ZFAND3: variants seen among roughly 807,000 people sequenced by gnomAD.
The protein encoded by ZFAND3 is zinc finger AN1-type containing 3.
Under a neutral mutation model 29.6 loss-of-function variants are expected in ZFAND3, and 10 were observed. That is an observed-to-expected ratio of 0.34 (90% CI 0.21 to 0.57). ZFAND3 has a LOEUF of 0.57. Ranked by LOEUF, ZFAND3 falls within the 20% of genes least tolerant of loss-of-function variation. The pLI is 0.86. For synonymous variants in ZFAND3, 128 were observed against 112.6 expected (o/e 1.14, Z -0.87); for missense variants, 230 against 304.5 (o/e 0.76, Z 1.82).
intron 2 of ZFAND3, chr6:38,003,276 G>C (rs1319156367): frequency 6.5e-6 from 1 of 153,504 alleles, no homozygotes; most frequent in Non-Finnish European, 1.5e-5. Context: ...GATCTCATAA[G>C]TGTGCTTCTG....
chr6:38,061,779 A>C lies in ZFAND3; in HGVS notation c.295+4A>C. On this transcript the variant is annotated splice_donor_region_variant and intron_variant, in intron 3 of 5. Transcript: ENST00000287218. ...ACTTCACCGAGTAAAGAGGAGTGTA[A>C]GTGTCTGGCTTCTGAGGGGTGGTAG... 1 of 1,613,886 alleles carries C rather than the reference A, an allele frequency of 6.2e-7. No individual in the cohort carries two copies. Among genetic ancestry groups the C allele is most frequent in the Non-Finnish European group, 8.5e-7 (1 of 1,179,872 alleles).
chr6:37,896,518 C>CTT (rs1195295043), intron 1 of ZFAND3, among the ~76,000 whole-genome samples: 8 of 91,108 alleles, frequency 8.8e-5, no homozygotes, highest in Non-Finnish European at 1.5e-4. Context: ...TCTTTCTTTT[C>CTT]TTTCTTTCTT....
intron 2 of ZFAND3, among the ~76,000 whole-genome samples, chr6:37,936,537 A>G (rs1761701571): frequency 6.6e-6 from 1 of 152,216 alleles, no homozygotes; most frequent in African/African-American, 2.4e-5. Context: ...AACCGTAGAC[A>G]TGGTATATTT....
At chr6:37,854,414 G>A (rs1283738622) in intron 1 of ZFAND3, among the ~76,000 whole-genome samples, 1 of 152,190 alleles carries the variant, frequency 6.6e-6, no homozygotes, top group Non-Finnish European at 1.5e-5. Context: ...TAAAGACAAA[G>A]TTACAGAACT....
At chr6:38,105,130 G>A (rs1885325) in intron 4 of ZFAND3, among the ~76,000 whole-genome samples, 105,717 of 152,096 alleles carry the variant, frequency 0.7, 37,301 homozygotes, top group African/African-American at 0.77. Flanking sequence ...GCATTTAGAA[G>A]GTGCTGATAA....
At chr6:37,974,321 C>A (rs1315204458) in intron 2 of ZFAND3, among the ~76,000 whole-genome samples, 1 of 151,968 alleles carries the variant, frequency 6.6e-6, no homozygotes, top group African/African-American at 2.4e-5. Flanking sequence ...TCCTCGGCCT[C>A]CCCAGACTGC....
rs894111888 is a variant in ZFAND3, at chr6:37,835,956, A to G, written c.71+15940A>G. On this transcript the variant is annotated intron_variant, in intron 1 of 5. Coordinates refer to ENST00000287218, the MANE Select transcript of ZFAND3 (RefSeq NM_021943.3). Reference sequence around the variant, plus strand: ...TCTTGATGAGTATTATTATGCTACAAAAGTAGCATGAAATATGTTGAATTT... The same window carrying G: ...TCTTGATGAGTATTATTATGCTACAGAAGTAGCATGAAATATGTTGAATTT... Among the ~76,000 whole-genome samples the G allele has an allele frequency of 1.1e-4, 16 of 152,214 alleles. No homozygotes were observed. The East Asian group carries it at 1.3e-3, about 13-fold the overall frequency.
At chr6:37,879,315 G>A (rs1764849011) in intron 1 of ZFAND3, among the ~76,000 whole-genome samples, 1 of 151,984 alleles carries the variant, frequency 6.6e-6, no homozygotes, top group Non-Finnish European at 1.5e-5. Context: ...TCCAAATGCA[G>A]AAGTTTTTTT....
At chr6:37,977,166 A>C (rs889236300) in intron 2 of ZFAND3, among the ~76,000 whole-genome samples, 4 of 152,232 alleles carry the variant, frequency 2.6e-5, no homozygotes, top group Non-Finnish European at 5.9e-5. Context: ...TAGAAAAGGT[A>C]TAGTAGAAAT....
chr6:37,922,790 C>T (rs555303209), intron 1 of ZFAND3, among the ~76,000 whole-genome samples: 1 of 152,236 alleles, frequency 6.6e-6, no homozygotes, highest in South Asian at 2.1e-4. Context: ...AAAAAGTGTA[C>T]ACCTGTCCCA....
chr6:37,974,301 T>G (rs973729875), intron 2 of ZFAND3, among the ~76,000 whole-genome samples: 2 of 151,776 alleles, frequency 1.3e-5, no homozygotes, highest in Non-Finnish European at 1.5e-5. Context: ...TGACCTCAAG[T>G]GATCTGCCCT....
chr6:37,938,386 T>G (rs1761741424), intron 2 of ZFAND3, among the ~76,000 whole-genome samples: 1 of 152,244 alleles, frequency 6.6e-6, no homozygotes, highest in Non-Finnish European at 1.5e-5. Context: ...GTTTGATACA[T>G]TAATTGGTCA....
At chr6:37,847,545 G>A (rs1764204487) in intron 1 of ZFAND3, among the ~76,000 whole-genome samples, 1 of 152,150 alleles carries the variant, frequency 6.6e-6, no homozygotes, top group South Asian at 2.1e-4. Context: ...CTGCACTCCA[G>A]CTTGGCGACA....
chr6:37,911,197 T>C (rs973949505), intron 1 of ZFAND3, among the ~76,000 whole-genome samples: 4 of 152,222 alleles, frequency 2.6e-5, no homozygotes, highest in African/African-American at 9.6e-5. Flanking sequence ...CCAACACTTG[T>C]TGTTATCTCT....
At chr6:38,047,824 T>C (rs913180604) in intron 2 of ZFAND3, among the ~76,000 whole-genome samples, 4 of 152,118 alleles carry the variant, frequency 2.6e-5, no homozygotes, top group African/African-American at 9.7e-5. Flanking sequence ...AGTAGACCTA[T>C]AATGTGATCA....
At chr6:37,929,160 A>G (rs542133028) in intron 1 of ZFAND3, among the ~76,000 whole-genome samples, 1 of 152,322 alleles carries the variant, frequency 6.6e-6, no homozygotes, top group Non-Finnish European at 1.5e-5. Context: ...AAAATTCAAA[A>G]AATTCCAACC....
chr6:37,852,278 T>A (rs1411051574), intron 1 of ZFAND3, among the ~76,000 whole-genome samples: 1 of 152,154 alleles, frequency 6.6e-6, no homozygotes, highest in Non-Finnish European at 1.5e-5. Flanking sequence ...TGTCACTACT[T>A]GGTGGGAAGT....
chr6:38,146,954 G>A (rs955266678), intron 5 of ZFAND3, among the ~76,000 whole-genome samples: 2 of 152,166 alleles, frequency 1.3e-5, no homozygotes, highest in African/African-American at 2.4e-5. Flanking sequence ...TTGTACAAAT[G>A]TATGGGGTAC....
chr6:37,944,145 A>G (rs970028841), intron 2 of ZFAND3, among the ~76,000 whole-genome samples: 1 of 152,194 alleles, frequency 6.6e-6, no homozygotes, highest in Non-Finnish European at 1.5e-5. Flanking sequence ...GCACATGCAT[A>G]CAGTTATTTA....
Sources: allele counts gnomAD v4.1 joint callset (sites outside exome capture counted in the v4.1 genomes callset), GRCh38; gene constraint gnomAD v4.1.1; transcripts MANE v1.5; gene names NCBI Gene and HGNC (gene_info 2026-07-23, HGNC 2026-07-21).